Variants in THSD4 observed in about 807,000 individuals in gnomAD.
The protein encoded by THSD4 is thrombospondin type 1 domain containing 4.
In THSD4, 69 loss-of-function variants were observed where a neutral mutation model predicts 119.0. The ratio of observed to expected loss-of-function variants is 0.58; its 90% CI spans 0.48 to 0.71. The LOEUF (loss-of-function observed/expected upper bound fraction) is 0.71. Among genes scored for constraint, THSD4 ranks in the 30% least tolerant of loss-of-function variants. The probability of loss-of-function intolerance (pLI) is 0.00; values close to 1 mark genes in which losing one functional copy is unlikely to be tolerated. For synonymous variants in THSD4, 524 were observed against 540.4 expected (o/e 0.97, Z 0.42); for missense variants, 1,393 against 1,391.1 (o/e 1.00, Z -0.02).
intron 3 of THSD4, among the ~76,000 whole-genome samples, chr15:71,169,956 C>T (rs1167917643): frequency 6.6e-6 from 1 of 151,976 alleles, no homozygotes; most frequent in Non-Finnish European, 1.5e-5. Flanking sequence ...GGCGGATCAC[C>T]TGAGGTCAGG....
chr15:71,110,389 T>C (rs924751486), intron 1 of THSD4: 1 of 152,238 alleles, frequency 6.6e-6, no homozygotes, highest in Non-Finnish European at 1.5e-5. Context: ...ACAGATCTGA[T>C]TACGTCAGTC....
chr15:71,776,593 A>G (rs2140258037), intron 17 of THSD4, among the ~76,000 whole-genome samples: 1 of 152,276 alleles, frequency 6.6e-6, no homozygotes, highest in East Asian at 1.9e-4. Context: ...TGGAGAGCAA[A>G]CTGACTGTAT....
intron 7 of THSD4, among the ~76,000 whole-genome samples, chr15:71,421,435 A>G (rs2046806217): frequency 1.3e-5 from 2 of 152,178 alleles, no homozygotes. Flanking sequence ...TTTTCGCCAG[A>G]TATACTATTC....
chr15:71,581,629 T>C (rs2049560975), intron 7 of THSD4, among the ~76,000 whole-genome samples: 1 of 152,042 alleles, frequency 6.6e-6, no homozygotes, highest in African/African-American at 2.4e-5. Flanking sequence ...TTTTCCTCTT[T>C]TCTCCTGGTA....
chr15:71,512,676 C>T (rs1595844364), intron 7 of THSD4, among the ~76,000 whole-genome samples: 1 of 152,178 alleles, frequency 6.6e-6, no homozygotes, highest in East Asian at 1.9e-4. Context: ...CCGCTCAGAA[C>T]ATTAAACAAT....
chr15:71,739,505 A>G (rs921558355), intron 11 of THSD4, among the ~76,000 whole-genome samples: 1 of 152,140 alleles, frequency 6.6e-6, no homozygotes, highest in Non-Finnish European at 1.5e-5. Flanking sequence ...CAAAGTTAAG[A>G]TACATGTGGA....
intron 7 of THSD4, among the ~76,000 whole-genome samples, chr15:71,557,408 T>G (rs2049037241): frequency 6.6e-6 from 1 of 152,272 alleles, no homozygotes; most frequent in East Asian, 1.9e-4. Flanking sequence ...TTTAAAAAAA[T>G]ATATATTTGA....
intron 7 of THSD4, among the ~76,000 whole-genome samples, chr15:71,452,636 A>G (rs2047281900): frequency 6.6e-6 from 1 of 151,618 alleles, no homozygotes. Flanking sequence ...TTTTTTTGAG[A>G]CGGAGTTTTG....
chr15:71,522,774 T>C (rs564857491), intron 7 of THSD4, among the ~76,000 whole-genome samples: 1 of 152,310 alleles, frequency 6.6e-6, no homozygotes, highest in Admixed American at 6.5e-5. Flanking sequence ...AACTGAAAGG[T>C]GTCAGTGGCA....
chr15:71,137,521 T>A (rs1285100601), intron 1 of THSD4, among the ~76,000 whole-genome samples: 2 of 152,202 alleles, frequency 1.3e-5, no homozygotes, highest in East Asian at 1.9e-4. Flanking sequence ...ATGCAGGTAT[T>A]TTTTTCTCTT....
At chr15:71,321,953 A>C (rs910475637) in intron 6 of THSD4, among the ~76,000 whole-genome samples, 1 of 152,174 alleles carries the variant, frequency 6.6e-6, no homozygotes, top group Admixed American at 6.5e-5. Flanking sequence ...AACAATTGCA[A>C]ATATTAACAA....
In THSD4 at chr15:71,603,241, G is replaced by A. The variant is rs925824161; in HGVS notation, c.1153-57289G>A. 3.3e-5 allele frequency among the ~76,000 whole-genome samples: 5 copies of A among 152,296 alleles called. No homozygotes were observed. The East Asian group carries it at 5.8e-4, about 18-fold the overall frequency. On this transcript the variant is annotated intron_variant, in intron 7 of 17. Coordinates refer to ENST00000261862, the MANE Select transcript of THSD4 (RefSeq NM_024817.3). ...GGAACACAGACACATTGAAGGGTGA[G>A]GGGAATGGAATTTACTGGGCAAAAA...
intron 3 of THSD4, chr15:71,187,133 T>C (rs1355358694): frequency 6.6e-6 from 1 of 152,656 alleles, no homozygotes. Flanking sequence ...CATTGTCCAA[T>C]GACTGCTCCT....
chr15:71,558,802 A>G (rs1047361728), intron 7 of THSD4, among the ~76,000 whole-genome samples: 7 of 152,126 alleles, frequency 4.6e-5, no homozygotes, highest in Admixed American at 4.6e-4. Context: ...ATTTTTCATT[A>G]TGATATTTTC....
chr15:71,777,134 G>C, intron 17 of THSD4, 98 bp from the exon 18 acceptor site: 1 of 1,391,996 alleles, frequency 7.2e-7, no homozygotes, highest in Non-Finnish European at 1.0e-6. Flanking sequence ...AAACAGCAGC[G>C]CAGGAGTTAA....
At chr15:71,411,311 T>G (rs1265745135) in intron 6 of THSD4, among the ~76,000 whole-genome samples, 1 of 152,128 alleles carries the variant, frequency 6.6e-6, no homozygotes, top group African/African-American at 2.4e-5. Flanking sequence ...TGGGGAGAGC[T>G]GATAACTTTA....
intron 7 of THSD4, among the ~76,000 whole-genome samples, chr15:71,524,548 A>G (rs183534942): frequency 1.9e-3 from 281 of 149,126 alleles, no homozygotes; most frequent in Non-Finnish European, 3.0e-3. Context: ...CACAGGAGGA[A>G]GATGGAGATG....
chr15:71,306,789 A>C (rs1481992680), intron 6 of THSD4, among the ~76,000 whole-genome samples: 1 of 152,190 alleles, frequency 6.6e-6, no homozygotes, highest in Non-Finnish European at 1.5e-5. Flanking sequence ...CCAAAACATA[A>C]AATTGCTTAA....
Position 71,209,957 on chromosome 15 carries a change from C to T in THSD4, c.100-5078C>T, listed in dbSNP as rs1252654099. ...CTCTTGAGATGTGCCTTTCACCTTC[C>T]ACCATGATTGTGGAACTGTGAATCC... On this transcript the variant is annotated intron_variant, in intron 3 of 17. Coordinates refer to ENST00000261862, the MANE Select transcript of THSD4 (RefSeq NM_024817.3). Among the ~76,000 whole-genome samples, 3 of 152,306 alleles carry T rather than the reference C, an allele frequency of 2.0e-5. No individual in the cohort carries two copies. In the East Asian group the frequency reaches 5.8e-4, roughly 29 times the overall value.
Sources: gnomAD v4.1 joint callset for allele counts (sites outside exome capture counted in the v4.1 genomes callset) on GRCh38, gnomAD v4.1.1 for gene constraint, MANE v1.5 for transcripts, NCBI Gene and HGNC (gene_info 2026-07-23, HGNC 2026-07-21) for gene names.